Variants in CNOT10 observed in about 807,000 individuals in gnomAD.
CNOT10 encodes CCR4-NOT transcription complex subunit 10.
CNOT10 carries 30 observed loss-of-function variants against 94.6 expected under a neutral mutation model. That is an observed-to-expected ratio of 0.32 (90% CI 0.24 to 0.43). The LOEUF (loss-of-function observed/expected upper bound fraction) is 0.43. Ranked by LOEUF, CNOT10 falls within the 20% of genes least tolerant of loss-of-function variation. The pLI, the probability that CNOT10 is intolerant of heterozygous loss-of-function variation, is 1.00. For synonymous variants in CNOT10, 289 were observed against 301.6 expected (o/e 0.96, Z 0.43); for missense variants, 759 against 877.2 (o/e 0.87, Z 1.70).
chr3:32,702,916 G>GTT (rs112213079), intron 1 of CNOT10, among the ~76,000 whole-genome samples: 3 of 140,258 alleles, frequency 2.1e-5, no homozygotes, highest in Non-Finnish European at 3.1e-5. Flanking sequence ...GTTTTTTGTT[G>GTT]TTTTTTTTTT....
intron 17 of CNOT10, 49 bp downstream of exon 17, chr3:32,764,858 G>A: frequency 6.3e-7 from 1 of 1,595,596 alleles, no homozygotes; most frequent in Non-Finnish European, 8.5e-7. Flanking sequence ...GCCAACACAA[G>A]TTTGAGGTTT....
At chr3:32,753,919 C>G in intron 13 of CNOT10, 1 of 877,242 alleles carries the variant, frequency 1.1e-6, no homozygotes, top group Non-Finnish European at 1.7e-6. Flanking sequence ...AATTTGCTCT[C>G]ACACACACAC....
At chr3:32,707,832 G>A (rs1315652908) in intron 3 of CNOT10, among the ~76,000 whole-genome samples, 1 of 152,048 alleles carries the variant, frequency 6.6e-6, no homozygotes, top group African/African-American at 2.4e-5. Context: ...GGTATGGTGA[G>A]GATTAACCTG....
In CNOT10 at chr3:32,687,439, G is replaced by GTTTTTTTTTTTTTTTTTTTT. The variant is rs201119069; in HGVS notation, c.22+1969_22+1970insTTTTTTTTTTTTTTTTTTTT. ...TTCTTTCTCCTTTTAAGTCCTCACGGTTTTTTTTTTTTGTTTTTTTTTTTT... is the reference window on the plus strand; with the variant it reads ...TTCTTTCTCCTTTTAAGTCCTCACGGTTTTTTTTTTTTTTTTTTTTTTTTTTTTTTTTGTTTTTTTTTTTT... On this transcript the variant is annotated intron_variant, in intron 1 of 18. Coordinates refer to ENST00000328834, the MANE Select transcript of CNOT10 (RefSeq NM_015442.3). 5.8e-5 allele frequency among the ~76,000 whole-genome samples: 3 copies of GTTTTTTTTTTTTTTTTTTTT among 51,322 alleles called. 1 individual carries two copies. The highest frequency in any genetic ancestry group is 7.3e-5 in the African/African-American group (1 of 13,626). The allele number at this position is 51,322 out of a possible 152,430, so 33.7% of individuals were successfully genotyped here.
chr3:32,740,301 A>G (rs1251799333), intron 13 of CNOT10, among the ~76,000 whole-genome samples: 2 of 151,972 alleles, frequency 1.3e-5, no homozygotes, highest in Non-Finnish European at 1.5e-5. Context: ...TCTACTAAAA[A>G]TACAAAAATT....
intron 13 of CNOT10, among the ~76,000 whole-genome samples, chr3:32,744,434 C>T (rs754749223): frequency 3.3e-5 from 5 of 152,044 alleles, no homozygotes; most frequent in South Asian, 2.1e-4. Flanking sequence ...TTTTATGATA[C>T]GGGTTTATAG....
intron 1 of CNOT10, among the ~76,000 whole-genome samples, chr3:32,699,737 A>C (rs1364804907): frequency 6.6e-6 from 1 of 152,128 alleles, no homozygotes; most frequent in Non-Finnish European, 1.5e-5. Flanking sequence ...CTCTAGCCCC[A>C]ACTTGAGTCC....
At chr3:32,742,504 C>T (rs1459845041) in intron 13 of CNOT10, among the ~76,000 whole-genome samples, 2 of 152,178 alleles carry the variant, frequency 1.3e-5, no homozygotes, top group African/African-American at 2.4e-5. Context: ...GCCTCAGCCT[C>T]CTGAGTAGCT....
chr3:32,736,962 G>A (rs1399747438), intron 12 of CNOT10, among the ~76,000 whole-genome samples: 2 of 152,126 alleles, frequency 1.3e-5, no homozygotes, highest in Admixed American at 6.6e-5. Context: ...ACATGTTAGT[G>A]TTACCAAATT....
intron 9 of CNOT10, among the ~76,000 whole-genome samples, 161 bp downstream of exon 9, chr3:32,725,760 A>G (rs750491861): frequency 2.0e-5 from 3 of 152,256 alleles, no homozygotes; most frequent in African/African-American, 7.2e-5. Flanking sequence ...AGATATTGCT[A>G]CTTTGAAGAG....
Position 32,759,524 on chromosome 3 carries a change from T to A in CNOT10, c.1662T>A (p.Asn554Lys). The change falls in exon 14 of 19, where the codon AAT becomes AAA. Residue 554 changes from asparagine (N) to lysine (K), a missense_variant. Physicochemically the swap from Asn to Lys is moderately conservative, Grantham distance 94 (BLOSUM62 0). Around this residue, in one of 3 missense-constraint regions of CNOT10, gnomAD observed 682 missense variants for 799.4 expected, o/e 0.85. Coordinates refer to ENST00000328834, the MANE Select transcript of CNOT10 (RefSeq NM_015442.3). The stretch of plus-strand genomic sequence containing the variant: ...TGGGTGATAACCTCATGGCTTTGAA[T>A]CATGCAGATAAACTTCTTCAGCAGC... Reference protein sequence around the residue: ...LALGDNLMALNHADKLLQQPK... With the variant: ...LALGDNLMALKHADKLLQQPK... 1 of 1,614,162 alleles carries A rather than the reference T, an allele frequency of 6.2e-7. No individual in the cohort carries two copies. Among genetic ancestry groups the A allele is most frequent in the Non-Finnish European group, 8.5e-7 (1 of 1,180,016 alleles).
At chr3:32,708,309 G>A (rs989020245) in intron 3 of CNOT10, among the ~76,000 whole-genome samples, 4 of 152,306 alleles carry the variant, frequency 2.6e-5, no homozygotes, top group African/African-American at 7.2e-5. Context: ...TGCACGCCTG[G>A]TGTAGCCTCT....
At chr3:32,712,709 CAT>C (rs1439887582) in intron 4 of CNOT10, among the ~76,000 whole-genome samples, 1 of 152,056 alleles carries the variant, frequency 6.6e-6, no homozygotes, top group African/African-American at 2.4e-5. Flanking sequence ...CATGGTGACA[CAT>C]GTTTGTGGTC....
chr3:32,690,580 T>C (rs1276131967), intron 1 of CNOT10, among the ~76,000 whole-genome samples: 1 of 151,730 alleles, frequency 6.6e-6, no homozygotes, highest in Non-Finnish European at 1.5e-5. Context: ...AGAGTCTCGC[T>C]CTGTTGCCCA....
rs115726918 is a variant in CNOT10 at position 32,744,771 on chromosome 3, C to T, written c.1595+7281C>T. Among the ~76,000 whole-genome samples, 1,324 of 152,146 alleles carry T rather than the reference C, an allele frequency of 8.7e-3. 19 individuals carry two copies. Among genetic ancestry groups the T allele is most frequent in the African/African-American group, 0.03 (1,258 of 41,508 alleles). ...TCCTTGAGGGATTGGTTCTAGGGCCCCCAACAGATACCACAATCCTCAGAT... is the reference window on the plus strand; with the variant it reads ...TCCTTGAGGGATTGGTTCTAGGGCCTCCAACAGATACCACAATCCTCAGAT... On this transcript the variant is annotated intron_variant, in intron 13 of 18. Coordinates refer to ENST00000328834, the MANE Select transcript of CNOT10 (RefSeq NM_015442.3).
At chr3:32,732,329 G>T (rs919281058) in intron 10 of CNOT10, among the ~76,000 whole-genome samples, 2 of 152,014 alleles carry the variant, frequency 1.3e-5, no homozygotes, top group African/African-American at 4.8e-5. Context: ...GGTGAAGGTT[G>T]CAGTGAGCCG....
chr3:32,751,771 T>C (rs541933528), intron 13 of CNOT10, among the ~76,000 whole-genome samples: 2 of 152,330 alleles, frequency 1.3e-5, no homozygotes, highest in African/African-American at 4.8e-5. Context: ...ATCTTTTGAA[T>C]CTTATATTGC....
intron 2 of CNOT10, among the ~76,000 whole-genome samples, chr3:32,704,374 T>G (rs1697513521): frequency 6.6e-6 from 1 of 152,184 alleles, no homozygotes; most frequent in Admixed American, 6.5e-5. Flanking sequence ...TTTAACTTTT[T>G]CTGGCATTAA....
chr3:32,714,581 C>G (rs567623109), intron 5 of CNOT10, among the ~76,000 whole-genome samples: 9 of 152,044 alleles, frequency 5.9e-5, no homozygotes, highest in Non-Finnish European at 1.3e-4. Context: ...TGGTGGCACA[C>G]AACTGTAATT....
Sources: gnomAD v4.1 joint callset for allele counts (sites outside exome capture counted in the v4.1 genomes callset) on GRCh38, gnomAD v4.1.1 for gene constraint, gnomAD v4.1.1 regional missense constraint, MANE v1.5 for transcripts, NCBI Gene and HGNC (gene_info 2026-07-23, HGNC 2026-07-21) for gene names.